TSHZ2: variants seen among roughly 807,000 people sequenced by gnomAD.
TSHZ2 encodes teashirt zinc finger homeobox 2, also known as teashirt homolog 2.
Under a neutral mutation model 74.4 loss-of-function variants are expected in TSHZ2, and 21 were observed. The observed-to-expected ratio is 0.28, with a 90% CI of 0.20 to 0.41. The LOEUF (loss-of-function observed/expected upper bound fraction) is 0.41. Among genes scored for constraint, TSHZ2 ranks in the 10% least tolerant of loss-of-function variants. The probability of loss-of-function intolerance (pLI) is 1.00; values close to 1 mark genes in which losing one functional copy is unlikely to be tolerated. For missense variants in TSHZ2, 1,244 were observed against 1,293.5 expected, an observed-to-expected ratio of 0.96 and a Z score of 0.59; for synonymous variants, 540 against 515.3, an observed-to-expected ratio of 1.05 and a Z score of -0.65.
chr20:53,251,379 C>T lies in TSHZ2; in HGVS notation c.41-2120C>T, dbSNP rs145847119. ...TAGTTTATTAATTTTATAACAGAGA[C>T]TTTCTCTTTGAATGGTATATCTATT... is the stretch of plus-strand genomic sequence containing the variant. On this transcript the variant is annotated intron_variant, in intron 1 of 2. Transcript: ENST00000371497. Among the ~76,000 whole-genome samples the T allele has an allele frequency of 2.5e-3, 383 of 152,330 alleles. 3 individuals carry two copies. The highest frequency in any genetic ancestry group is 8.3e-3 in the African/African-American group (344 of 41,574).
At chr20:53,237,165 G>A (rs892323131) in intron 1 of TSHZ2, among the ~76,000 whole-genome samples, 8 of 152,192 alleles carry the variant, frequency 5.3e-5, no homozygotes, top group African/African-American at 1.7e-4. Flanking sequence ...TTAGGATATT[G>A]TAGATATAGA....
chr20:53,282,954 C>A (rs972854295), intron 2 of TSHZ2, among the ~76,000 whole-genome samples: 1 of 152,192 alleles, frequency 6.6e-6, no homozygotes, highest in Non-Finnish European at 1.5e-5. Context: ...CAAGACGGAA[C>A]CTGGGACATG....
chr20:52,976,404 T>TTGTATTG (rs1423763988), intron 1 of TSHZ2, among the ~76,000 whole-genome samples: 2 of 152,200 alleles, frequency 1.3e-5, no homozygotes, highest in Non-Finnish European at 2.9e-5. Flanking sequence ...CCCCAGGGGT[T>TTGTATTG]TGTGTTGTGT....
intron 1 of TSHZ2, among the ~76,000 whole-genome samples, chr20:53,126,011 G>A (rs555104253): frequency 4.1e-5 from 6 of 146,792 alleles, no homozygotes; most frequent in Non-Finnish European, 8.8e-5. Flanking sequence ...ATAAAACTCT[G>A]GGTTTTTGTT....
At chr20:53,208,174 A>T (rs1989218585) in intron 1 of TSHZ2, among the ~76,000 whole-genome samples, 1 of 152,220 alleles carries the variant, frequency 6.6e-6, no homozygotes, top group Non-Finnish European at 1.5e-5. Flanking sequence ...TCTTTGGAGA[A>T]TGTAAGCCTC....
intron 2 of TSHZ2, among the ~76,000 whole-genome samples, chr20:53,316,400 AG>A (rs1847409216): frequency 6.6e-6 from 1 of 151,970 alleles, no homozygotes; most frequent in South Asian, 2.1e-4. Flanking sequence ...TCAGCGTAGT[AG>A]GGGGTTGGTG....
At chr20:53,485,222 C>T (rs6068564) in intron 2 of TSHZ2, among the ~76,000 whole-genome samples, 10 of 151,908 alleles carry the variant, frequency 6.6e-5, no homozygotes, top group Admixed American at 1.3e-4. Flanking sequence ...AGATGTTCAT[C>T]ATAGTGTTAT....
intron 2 of TSHZ2, among the ~76,000 whole-genome samples, chr20:53,301,793 A>ATTTTCT (rs1978330355): frequency 1.3e-5 from 2 of 152,312 alleles, no homozygotes; most frequent in South Asian, 4.1e-4. Flanking sequence ...TAAAAAAGGA[A>ATTTTCT]CCTTCTATTA....
At chr20:53,100,381 T>G (rs1163291431) in intron 1 of TSHZ2, among the ~76,000 whole-genome samples, 1 of 152,202 alleles carries the variant, frequency 6.6e-6, no homozygotes, top group Admixed American at 6.5e-5. Flanking sequence ...GCTGTGGCTT[T>G]CTTTCCCCCA....
intron 1 of TSHZ2, among the ~76,000 whole-genome samples, chr20:53,072,987 CTTCA>C (rs1985227975): frequency 6.8e-6 from 1 of 147,098 alleles, no homozygotes; most frequent in African/African-American, 2.5e-5. Context: ...CCATCCCTCC[CTTCA>C]TCCATCCCTC....
intron 1 of TSHZ2, among the ~76,000 whole-genome samples, chr20:53,040,049 T>C (rs1049300789): frequency 1.2e-4 from 18 of 151,996 alleles, no homozygotes; most frequent in Non-Finnish European, 8.8e-5. Context: ...GAGGCTGCAG[T>C]GAGCCAAGAT....
At chr20:53,447,693 G>A (rs1215376257) in intron 2 of TSHZ2, among the ~76,000 whole-genome samples, 1 of 152,120 alleles carries the variant, frequency 6.6e-6, no homozygotes, top group Admixed American at 6.5e-5. Flanking sequence ...GATAAACACT[G>A]GTTGGTGATT....
At position 53,277,440 on chromosome 20, in the gene TSHZ2, A is replaced by C. The variant is rs146239252; in HGVS notation, c.*8+20869A>C. On this transcript the variant is annotated intron_variant, in intron 2 of 2. Transcript: ENST00000371497. ...AACTTGCTTTCACTTTGCAAAAAAAACCAAAAAACTAAAAAACAGGAAAAA... is the reference window on the plus strand; with the variant it reads ...AACTTGCTTTCACTTTGCAAAAAAACCCAAAAAACTAAAAAACAGGAAAAA... 9.6e-3 allele frequency among the ~76,000 whole-genome samples: 1,444 copies of C among 150,606 alleles called. 25 individuals are homozygous for C. The highest frequency in any genetic ancestry group is 0.034 in the African/African-American group (1,377 of 40,434).
At chr20:53,348,562 A>G (rs1021159081) in intron 2 of TSHZ2, among the ~76,000 whole-genome samples, 53 of 152,282 alleles carry the variant, frequency 3.5e-4, no homozygotes, top group Middle Eastern at 3.4e-3. Context: ...CCCCCCCAAA[A>G]GAAACAAAGA....
chr20:53,359,560 G>A (rs1980974596), intron 2 of TSHZ2, among the ~76,000 whole-genome samples: 1 of 152,150 alleles, frequency 6.6e-6, no homozygotes, highest in Admixed American at 6.5e-5. Flanking sequence ...CACTAGTTTG[G>A]CGCCAACATT....
rs578120887 is a variant in TSHZ2 at position 53,309,633 on chromosome 20, T to C, written c.*8+53062T>C. Among the ~76,000 whole-genome samples the C allele has an allele frequency of 5.9e-5, 9 of 152,340 alleles. No individual in the cohort carries two copies. The South Asian group carries it at 1.7e-3, about 28-fold the overall frequency. On this transcript the variant is annotated intron_variant, in intron 2 of 2. Transcript: ENST00000371497. The stretch of plus-strand genomic sequence containing the variant: ...GTATATGTCATGTACATCTCCCAAA[T>C]TAGCATGCTACCAATGGAGTGATAT...
At chr20:53,059,564 G>A (rs1424212913) in intron 1 of TSHZ2, among the ~76,000 whole-genome samples, 2 of 152,210 alleles carry the variant, frequency 1.3e-5, no homozygotes, top group African/African-American at 4.8e-5. Context: ...ACTAGGACAT[G>A]AGCTGCCATT....
chr20:53,023,645 A>C (rs1394472890), intron 1 of TSHZ2, among the ~76,000 whole-genome samples: 1 of 141,564 alleles, frequency 7.1e-6, no homozygotes, highest in African/African-American at 2.6e-5. Context: ...TTTGTTTTTT[A>C]TGAGTTATCA....
At chr20:53,100,453 T>A (rs1986185280) in intron 1 of TSHZ2, among the ~76,000 whole-genome samples, 1 of 152,182 alleles carries the variant, frequency 6.6e-6, no homozygotes, top group Non-Finnish European at 1.5e-5. Flanking sequence ...TTATTAAACT[T>A]TTCAATAATG....
Sources: allele counts gnomAD v4.1 joint callset (sites outside exome capture counted in the v4.1 genomes callset), GRCh38; gene constraint gnomAD v4.1.1; transcripts MANE v1.5; gene names NCBI Gene and HGNC (gene_info 2026-07-23, HGNC 2026-07-21).